TNIP3: variants seen among roughly 807,000 people sequenced by gnomAD.
The protein encoded by TNIP3 is TNFAIP3-interacting protein 3.
TNIP3 carries 34 observed loss-of-function variants against 54.1 expected under a neutral mutation model. The observed-to-expected ratio is 0.63, with a 90% CI of 0.48 to 0.84. The LOEUF is 0.84. TNIP3 is among the 40% of genes least tolerant of loss of function. TNIP3 has a pLI of 0.00. For missense variants in TNIP3, 366 were observed against 387.6 expected, an observed-to-expected ratio of 0.94 and a Z score of 0.47; for synonymous variants, 134 against 136.8, an observed-to-expected ratio of 0.98 and a Z score of 0.14.
At chr4:121,170,826 T>A (rs1731025792) in intron 3 of TNIP3, among the ~76,000 whole-genome samples, 1 of 152,168 alleles carries the variant, frequency 6.6e-6, no homozygotes. Flanking sequence ...AGATATCTTT[T>A]TTTTTTAAAG....
chr4:121,195,446 C>G (rs1334372052), intron 2 of TNIP3, among the ~76,000 whole-genome samples: 1 of 152,194 alleles, frequency 6.6e-6, no homozygotes, highest in East Asian at 1.9e-4. Flanking sequence ...TATTATGGAC[C>G]TTGTTTATTT....
At chr4:121,146,125 C>T (rs1402483750) in intron 7 of TNIP3, among the ~76,000 whole-genome samples, 3 of 151,752 alleles carry the variant, frequency 2.0e-5, no homozygotes. Flanking sequence ...TTTTTTACTA[C>T]TATTTTATTT....
At chr4:121,150,260 C>A in intron 5 of TNIP3, 41 bp from the exon 6 acceptor site, 1 of 1,233,990 alleles carries the variant, frequency 8.1e-7, no homozygotes, top group South Asian at 1.3e-5. Context: ...TAAGATTTAC[C>A]ACATGGAATG....
chr4:121,193,847 C>T (rs867126617), intron 2 of TNIP3, among the ~76,000 whole-genome samples: 1 of 152,148 alleles, frequency 6.6e-6, no homozygotes, highest in Non-Finnish European at 1.5e-5. Context: ...CAAGATTATA[C>T]AACCTGAATC....
At chr4:121,140,043 T>G (rs1247501388) in intron 9 of TNIP3, among the ~76,000 whole-genome samples, 1 of 152,202 alleles carries the variant, frequency 6.6e-6, no homozygotes, top group African/African-American at 2.4e-5. Flanking sequence ...CTTGAAAATG[T>G]AGGCCATTCT....
chr4:121,150,255 T>C, intron 5 of TNIP3, 36 bp from the exon 6 acceptor site: 1 of 1,279,696 alleles, frequency 7.8e-7, no homozygotes, highest in Non-Finnish European at 1.1e-6. Context: ...TGATCTAAGA[T>C]TTACCACATG....
chr4:121,207,558 T>G (rs1038232924), intron 2 of TNIP3, among the ~76,000 whole-genome samples: 1 of 152,224 alleles, frequency 6.6e-6, no homozygotes, highest in Non-Finnish European at 1.5e-5. Context: ...TAACACTGAC[T>G]TAAGATATTA....
chr4:121,222,528 A>G (rs1727072351), intron 1 of TNIP3, among the ~76,000 whole-genome samples: 2 of 152,222 alleles, frequency 1.3e-5, no homozygotes, highest in Non-Finnish European at 2.9e-5. Flanking sequence ...TCTTCAAGGA[A>G]AAGTCCATAA....
At chr4:121,215,553 C>A (rs752512205) in intron 2 of TNIP3, among the ~76,000 whole-genome samples, 2 of 152,148 alleles carry the variant, frequency 1.3e-5, no homozygotes, top group African/African-American at 2.4e-5. Context: ...CCTACCACCA[C>A]GTCTTTGTAC....
intron 8 of TNIP3, 36 bp from the exon 9 acceptor site, chr4:121,141,950 G>T (rs932146101): frequency 6.9e-7 from 1 of 1,455,476 alleles, no homozygotes; most frequent in Non-Finnish European, 9.3e-7. Flanking sequence ...ACTACCAGTG[G>T]GAGAGACTGA....
intron 5 of TNIP3, among the ~76,000 whole-genome samples, chr4:121,153,176 T>A (rs1158484020): frequency 3.9e-5 from 6 of 152,166 alleles, no homozygotes; most frequent in Non-Finnish European, 7.4e-5. Flanking sequence ...AATGTAAAAT[T>A]TCGTGTAGAA....
At chr4:121,158,658 G>T (rs1473929888) in intron 3 of TNIP3, 29 bp downstream of exon 3, 1 of 1,575,780 alleles carries the variant, frequency 6.3e-7, no homozygotes, top group East Asian at 2.2e-5. Flanking sequence ...TGGCTTTAAA[G>T]AAAATACCGA....
Position 121,132,466 on chromosome 4 carries a change from A to G in TNIP3, c.*165T>C, listed in dbSNP as rs925835082. On this transcript the variant is annotated 3_prime_UTR_variant, in exon 11 of 11. Transcript: ENST00000057513. The stretch of plus-strand genomic sequence containing the variant: ...CAATTTGATCAGGATCTTAGCTGTC[A>G]GAAGCCTTTTCCTGTATTCATACCA... The G allele has an allele frequency of 6.9e-6, 4 of 583,388 alleles. No homozygotes were observed. The highest frequency in any genetic ancestry group is 3.0e-6 in the Non-Finnish European group (1 of 332,628). The allele number at this position is 583,388 out of a possible 1,614,324, so 36.1% of individuals were successfully genotyped here.
chr4:121,211,408 A>G (rs1447813003), intron 2 of TNIP3, among the ~76,000 whole-genome samples: 1 of 152,208 alleles, frequency 6.6e-6, no homozygotes, highest in Non-Finnish European at 1.5e-5. Context: ...GCCAAAGCCT[A>G]CAAGGGATGA....
chr4:121,169,017 C>A (rs1229307967), upstream of TNIP3, among the ~76,000 whole-genome samples: 2 of 152,048 alleles, frequency 1.3e-5, no homozygotes, highest in African/African-American at 4.8e-5. Context: ...TAAGGGTTTT[C>A]CTGCTTCTAT....
At chr4:121,225,875 T>A (rs746304233) in intron 1 of TNIP3, among the ~76,000 whole-genome samples, 1 of 152,150 alleles carries the variant, frequency 6.6e-6, no homozygotes, top group Non-Finnish European at 1.5e-5. Flanking sequence ...TTCTACACTG[T>A]GCCACAGGTC....
upstream of TNIP3, among the ~76,000 whole-genome samples, chr4:121,164,929 T>C (rs1730671783): frequency 1.3e-5 from 2 of 152,016 alleles, no homozygotes; most frequent in South Asian, 4.2e-4. Context: ...TTGACTGTTA[T>C]CATTTTAGGA....
intron 3 of TNIP3, among the ~76,000 whole-genome samples, chr4:121,180,678 A>G (rs181654715): frequency 3.9e-4 from 59 of 152,274 alleles, no homozygotes; most frequent in African/African-American, 1.4e-3. Context: ...AATGGTACAT[A>G]TTTTGAGCTG....
intron 1 of TNIP3, among the ~76,000 whole-genome samples, chr4:121,224,463 AC>A (rs1727176751): frequency 6.6e-6 from 1 of 152,166 alleles, no homozygotes; most frequent in East Asian, 1.9e-4. Flanking sequence ...TTTGGCTTTT[AC>A]CTGTAAAGCT....
Sources: allele counts gnomAD v4.1 joint callset (sites outside exome capture counted in the v4.1 genomes callset), GRCh38; gene constraint gnomAD v4.1.1; transcripts MANE v1.5; gene names NCBI Gene and HGNC (gene_info 2026-07-23, HGNC 2026-07-21).